Variants in KCNK12 observed in about 807,000 individuals in gnomAD.
KCNK12 encodes potassium two pore domain channel subfamily K member 12.
Under a neutral mutation model 25.3 loss-of-function variants are expected in KCNK12, and 6 were observed. The observed-to-expected ratio is 0.24, with a 90% CI of 0.13 to 0.47. The LOEUF (loss-of-function observed/expected upper bound fraction) is 0.47, where lower values mean the gene tolerates loss of function less well. KCNK12 is among the 20% of genes least tolerant of loss of function. The probability of loss-of-function intolerance (pLI) is 0.99; values close to 1 mark genes in which losing one functional copy is unlikely to be tolerated. For synonymous variants in KCNK12, 331 were observed against 311.1 expected (o/e 1.06, Z -0.67); for missense variants, 444 against 661.7 (o/e 0.67, Z 3.61).
chr2:47,520,551 T>G lies in KCNK12; in HGVS notation c.*356A>C. ...GCCACGAAAAGTTGCACCATATGCTTTGGGGTTGCCGGCTGCTTCTGTGCA... is the reference window on the plus strand; with the variant it reads ...GCCACGAAAAGTTGCACCATATGCTGTGGGGTTGCCGGCTGCTTCTGTGCA... On this transcript the variant is annotated 3_prime_UTR_variant, in exon 2 of 2. Coordinates refer to ENST00000327876, the MANE Select transcript of KCNK12 (RefSeq NM_022055.2). The surrounding 1 kb of genome is among the most constrained non-coding windows in gnomAD (Gnocchi z 5.0). 1.5e-5 allele frequency: 3 copies of G among 196,452 alleles called. No homozygotes were observed. The highest frequency in any genetic ancestry group is 3.1e-5 in the Non-Finnish European group (3 of 97,978). 12.2% of individuals were successfully genotyped at this position (196,452 alleles called of 1,614,324 possible).
rs1418568612 is a variant in KCNK12 at position 47,540,418 on chromosome 2, A to G, written c.392-18610T>C. ...ATGAGACCCCGGTAACCGCAGCAGT[A>G]AAGACCCCTCAAATGCCATCTCTAA... On this transcript the variant is annotated intron_variant, in intron 1 of 1. Coordinates refer to ENST00000327876, the MANE Select transcript of KCNK12 (RefSeq NM_022055.2). The surrounding 1 kb of genome is among the most constrained non-coding windows in gnomAD (Gnocchi z 5.4). Among the ~76,000 whole-genome samples the G allele has an allele frequency of 6.6e-6, 1 of 152,212 alleles. No individual in the cohort carries two copies. Among genetic ancestry groups the G allele is most frequent in the African/African-American group, 2.4e-5 (1 of 41,442 alleles).
rs1367626633 is a variant in KCNK12 at position 47,562,522 on chromosome 2, C to G, written c.391+7419G>C. 1 of 237,402 alleles carries G rather than the reference C, an allele frequency of 4.2e-6. No homozygotes were observed. The highest frequency in any genetic ancestry group is 8.3e-6 in the Non-Finnish European group (1 of 121,154). The allele number at this position is 237,402 out of a possible 1,614,324, so 14.7% of individuals were successfully genotyped here. On this transcript the variant is annotated intron_variant, in intron 1 of 1. Transcript: ENST00000327876. The surrounding 1 kb of genome is among the most constrained non-coding windows in gnomAD (Gnocchi z 4.8). ...CAGGGAGGAGGCAGCACTCACAAGACAGAGTCCGGAGCATTCTCCACCACA... is the reference window on the plus strand; with the variant it reads ...CAGGGAGGAGGCAGCACTCACAAGAGAGAGTCCGGAGCATTCTCCACCACA...
chr2:47,570,604 T>C lies in KCNK12; in HGVS notation c.-273A>G, dbSNP rs1404452178. On this transcript the variant is annotated 5_prime_UTR_variant, in exon 1 of 2. Transcript: ENST00000327876. ...CTGCGCGCCCCGACGCCTCGCCGGC[T>C]CCCGCGGCTCCTTACCCGCCGCTCT... 1 of 234,098 alleles carries C rather than the reference T, an allele frequency of 4.3e-6. No homozygotes were observed. Among genetic ancestry groups the C allele is most frequent in the Non-Finnish European group, 8.2e-6 (1 of 122,158 alleles). The allele number at this position is 234,098 out of a possible 1,614,324, so 14.5% of individuals were successfully genotyped here.
At chr2:47,544,699 C>G (rs1669275217) in intron 1 of KCNK12, among the ~76,000 whole-genome samples, 1 of 152,214 alleles carries the variant, frequency 6.6e-6, no homozygotes, top group Non-Finnish European at 1.5e-5. Flanking sequence ...TGCAGACAAC[C>G]CAATTACTCA....
At chr2:47,534,180 G>A (rs1248471701) in intron 1 of KCNK12, among the ~76,000 whole-genome samples, 1 of 151,932 alleles carries the variant, frequency 6.6e-6, no homozygotes, top group African/African-American at 2.4e-5. Context: ...TCTTTGAATC[G>A]ACTTTGTACC....
chr2:47,512,332 G>C lies in KCNK12; in HGVS notation c.*8575C>G, dbSNP rs747649356. ...TCAGAGTGACAGAGCCAAAAGACCA[G>C]TGCCTCATTTTGCTGACATGGAAAA... On this transcript the variant is annotated 3_prime_UTR_variant, in exon 2 of 2. Transcript: ENST00000327876. The C allele has an allele frequency of 3.1e-6, 5 of 1,612,628 alleles. No homozygotes were observed. The highest frequency in any genetic ancestry group is 1.7e-5 in the Admixed American group (1 of 59,986).
At position 47,569,589 on chromosome 2, in the gene KCNK12, T is replaced by C. The variant is rs922534844; in HGVS notation, c.391+352A>G. ...TTTGAGATCATCCTGGAGAGGAAAC[T>C]GAGGCCTGGGGGTTGTGGGTGGAAA... is the stretch of plus-strand genomic sequence containing the variant. On this transcript the variant is annotated intron_variant, in intron 1 of 1. Transcript: ENST00000327876. The surrounding 1 kb of genome is among the most constrained non-coding windows in gnomAD (Gnocchi z 4.1). Among the ~76,000 whole-genome samples the C allele has an allele frequency of 4.6e-5, 7 of 151,982 alleles. No individual in the cohort carries two copies. In the South Asian group the frequency reaches 8.3e-4, roughly 18 times the overall value.
intron 1 of KCNK12, among the ~76,000 whole-genome samples, chr2:47,536,471 C>T (rs1195707216): frequency 6.6e-6 from 1 of 152,228 alleles, no homozygotes; most frequent in Admixed American, 6.5e-5. Flanking sequence ...TGATCACCAG[C>T]AGACACTGTA....
chr2:47,540,242 C>T lies in KCNK12; in HGVS notation c.392-18434G>A, dbSNP rs2104810936. 6.6e-6 allele frequency among the ~76,000 whole-genome samples: 1 copy of T among 152,326 alleles called. No homozygotes were observed. Among genetic ancestry groups the T allele is most frequent in the East Asian group, 1.9e-4 (1 of 5,186 alleles). ...GATACAAGCAATGGTGCTGAAGTTTCACAACAGTGTCAACCCCCTCCCTCA... is the reference window on the plus strand; with the variant it reads ...GATACAAGCAATGGTGCTGAAGTTTTACAACAGTGTCAACCCCCTCCCTCA... On this transcript the variant is annotated intron_variant, in intron 1 of 1. Coordinates refer to ENST00000327876, the MANE Select transcript of KCNK12 (RefSeq NM_022055.2). The surrounding 1 kb of genome is among the most constrained non-coding windows in gnomAD (Gnocchi z 5.4).
rs1383775114 is a variant in KCNK12, at chr2:47,566,639, T to G, written c.391+3302A>C. Reference sequence around the variant, plus strand: ...AATCTGTCTTGTCCTTCAAGTTTTCTCTGGACTTAATCAGTTGATGACGTG... The same window carrying G: ...AATCTGTCTTGTCCTTCAAGTTTTCGCTGGACTTAATCAGTTGATGACGTG... On this transcript the variant is annotated intron_variant, in intron 1 of 1. Coordinates refer to ENST00000327876, the MANE Select transcript of KCNK12 (RefSeq NM_022055.2). The surrounding 1 kb of genome is among the most constrained non-coding windows in gnomAD (Gnocchi z 4.1). 1 of 152,202 alleles carries G rather than the reference T, an allele frequency of 6.6e-6. No individual in the cohort carries two copies. The highest frequency in any genetic ancestry group is 1.5e-5 in the Non-Finnish European group (1 of 68,042). 9.4% of individuals were successfully genotyped at this position (152,202 alleles called of 1,614,324 possible).
At chr2:47,561,872 T>C (rs1669680255) in intron 1 of KCNK12, among the ~76,000 whole-genome samples, 1 of 152,202 alleles carries the variant, frequency 6.6e-6, no homozygotes, top group South Asian at 2.1e-4. Flanking sequence ...CACTAAACTA[T>C]ACTGGAAGGA....
Position 47,566,494 on chromosome 2 carries a change from A to G in KCNK12, c.391+3447T>C, listed in dbSNP as rs1308099828. ...CAGAAAGCAAGTGACTTCTGTCCTT[A>G]GACCACAGTTTGCCAGAAGTTCTCC... On this transcript the variant is annotated intron_variant, in intron 1 of 1. Transcript: ENST00000327876. This position sits in a 1 kb window ranked among gnomAD's most constrained non-coding sequence, Gnocchi z 4.1. 6.6e-6 allele frequency: 1 copy of G among 152,134 alleles called. No homozygotes were observed. The highest frequency in any genetic ancestry group is 6.5e-5 in the Admixed American group (1 of 15,268). 9.4% of individuals were successfully genotyped at this position (152,134 alleles called of 1,614,324 possible). A position where few individuals can be genotyped will look rare whatever the true frequency, so the allele number is the denominator to read the frequency against.
chr2:47,528,330 G>A lies in KCNK12; in HGVS notation c.392-6522C>T, dbSNP rs1668835100. On this transcript the variant is annotated intron_variant, in intron 1 of 1. Transcript: ENST00000327876. This position sits in a 1 kb window ranked among gnomAD's most constrained non-coding sequence, Gnocchi z 4.5. Reference sequence around the variant, plus strand: ...CACTCAGCTCATCCTGGGAGACAAGGTGGGGGTGGAGGATGGTCCATCCTT... The same window carrying A: ...CACTCAGCTCATCCTGGGAGACAAGATGGGGGTGGAGGATGGTCCATCCTT... 1 of 152,518 alleles carries A rather than the reference G, an allele frequency of 6.6e-6. No individual in the cohort carries two copies. The highest frequency in any genetic ancestry group is 2.4e-5 in the African/African-American group (1 of 41,466). 9.4% of individuals were successfully genotyped at this position (152,518 alleles called of 1,614,324 possible).
rs999342563 is a variant in KCNK12 at position 47,562,734 on chromosome 2, G to A, written c.391+7207C>T. The A allele has an allele frequency of 4.3e-6, 1 of 233,156 alleles. No individual in the cohort carries two copies. The highest frequency in any genetic ancestry group is 8.5e-6 in the Non-Finnish European group (1 of 118,102). 14.4% of individuals were successfully genotyped at this position (233,156 alleles called of 1,614,324 possible). A position where few individuals can be genotyped will look rare whatever the true frequency, so the allele number is the denominator to read the frequency against. ...CTACCAGCACCTCCCCAACCTCCTG[G>A]AAACTGCTGTGCTTCCTGCAGTTTC... On this transcript the variant is annotated intron_variant, in intron 1 of 1. Transcript: ENST00000327876. This position sits in a 1 kb window ranked among gnomAD's most constrained non-coding sequence, Gnocchi z 4.8.
At position 47,551,885 on chromosome 2, in the gene KCNK12, C is replaced by G. The variant is rs1485701605; in HGVS notation, c.391+18056G>C. 6.6e-6 allele frequency among the ~76,000 whole-genome samples: 1 copy of G among 152,174 alleles called. No homozygotes were observed. The highest frequency in any genetic ancestry group is 2.4e-5 in the African/African-American group (1 of 41,426). ...TTACAGAGAAAGCCTGGAAACATTA[C>G]AAGGGAGTAGAGCCAGGGCCTTGTA... On this transcript the variant is annotated intron_variant, in intron 1 of 1. Transcript: ENST00000327876. The surrounding 1 kb of genome is among the most constrained non-coding windows in gnomAD (Gnocchi z 5.3).
rs868582266 is a variant in KCNK12, at chr2:47,551,241, G to A, written c.391+18700C>T. ...GCAAACCCTGCAAGCTCCTCCTAAG[G>A]GACCCTGGCACTGGCTGGAGCCCTC... On this transcript the variant is annotated intron_variant, in intron 1 of 1. Coordinates refer to ENST00000327876, the MANE Select transcript of KCNK12 (RefSeq NM_022055.2). The surrounding 1 kb of genome is among the most constrained non-coding windows in gnomAD (Gnocchi z 5.3). 2.0e-5 allele frequency among the ~76,000 whole-genome samples: 3 copies of A among 151,952 alleles called. No individual in the cohort carries two copies. The highest frequency in any genetic ancestry group is 2.9e-5 in the Non-Finnish European group (2 of 67,992).
At chr2:47,546,310 C>T (rs1219013226) in intron 1 of KCNK12, among the ~76,000 whole-genome samples, 1 of 152,232 alleles carries the variant, frequency 6.6e-6, no homozygotes, top group Non-Finnish European at 1.5e-5. Context: ...CTTAAAAGTG[C>T]TACTGAATTA....
rs1669330009 is a variant in KCNK12, at chr2:47,547,061, T to G, written c.391+22880A>C. On this transcript the variant is annotated intron_variant, in intron 1 of 1. Coordinates refer to ENST00000327876, the MANE Select transcript of KCNK12 (RefSeq NM_022055.2). The surrounding 1 kb of genome is among the most constrained non-coding windows in gnomAD (Gnocchi z 5.0). ...GTCCACAAGCCCCACCTATGCACACTGAGTTTCCAGTCCAATTTTCTATTT... is the reference window on the plus strand; with the variant it reads ...GTCCACAAGCCCCACCTATGCACACGGAGTTTCCAGTCCAATTTTCTATTT... 6.6e-6 allele frequency among the ~76,000 whole-genome samples: 1 copy of G among 152,194 alleles called. No homozygotes were observed.
Position 47,536,236 on chromosome 2 carries a change from C to T in KCNK12, c.392-14428G>A, listed in dbSNP as rs116345771. On this transcript the variant is annotated intron_variant, in intron 1 of 1. Transcript: ENST00000327876. ...TTTTCTCTTCGCCTGTCTGAATCCT[C>T]GCCATCATCTGACAGCACTTTCAGC... Among the ~76,000 whole-genome samples, 379 of 152,288 alleles carry T rather than the reference C, an allele frequency of 2.5e-3. 4 individuals are homozygous for T. The highest frequency in any genetic ancestry group is 8.0e-3 in the African/African-American group (334 of 41,548).
Sources: allele counts gnomAD v4.1 joint callset (sites outside exome capture counted in the v4.1 genomes callset), GRCh38; gene constraint gnomAD v4.1.1; non-coding constraint Gnocchi (gnomAD v3.1); transcripts MANE v1.5; gene names NCBI Gene and HGNC (gene_info 2026-07-23, HGNC 2026-07-21).